Variants in NR5A2 observed in about 807,000 individuals in gnomAD.
NR5A2 encodes CYP7A promoter-binding factor.
In NR5A2, 26 loss-of-function variants were observed where a neutral mutation model predicts 62.7. The observed-to-expected ratio is 0.41, with a 90% confidence interval of 0.30 to 0.58. NR5A2 has a LOEUF of 0.58. Ranked by LOEUF, NR5A2 falls within the 20% of genes least tolerant of loss-of-function variation. The pLI, the probability that NR5A2 is intolerant of heterozygous loss-of-function variation, is 0.22. For missense variants in NR5A2, 541 were observed against 669.1 expected (o/e 0.81, Z 2.11); for synonymous variants, 246 against 241.7 (o/e 1.02, Z -0.16).
At chr1:200,036,506 C>T (rs902988364) in intron 1 of NR5A2, among the ~76,000 whole-genome samples, 4 of 152,192 alleles carry the variant, frequency 2.6e-5, no homozygotes, top group Admixed American at 2.6e-4. Flanking sequence ...AAGCCTGGTG[C>T]CGCCGCCCCT....
chr1:200,133,320 C>T (rs1174261557), intron 7 of NR5A2, among the ~76,000 whole-genome samples: 6 of 151,950 alleles, frequency 3.9e-5, no homozygotes. Flanking sequence ...CTTTGACTCT[C>T]TCCACTTTAC....
At chr1:200,171,969 G>A (rs1654202201) in intron 7 of NR5A2, among the ~76,000 whole-genome samples, 2 of 152,146 alleles carry the variant, frequency 1.3e-5, no homozygotes, top group African/African-American at 2.4e-5. Flanking sequence ...AAAAAGGAAA[G>A]TTTCAAACAA....
Position 200,048,025 on chromosome 1 carries a change from T to C in NR5A2, c.464-147T>C. On this transcript the variant is annotated intron_variant, in intron 4 of 7. Coordinates refer to ENST00000367362, the MANE Select transcript of NR5A2 (RefSeq NM_205860.3). The surrounding 1 kb of genome is among the most constrained non-coding windows in gnomAD (Gnocchi z 4.8). ...TCATAAATAAAGAGGACATGGTTTT[T>C]TGGGAAATCTTTGTGGGCTATTGTA... is the stretch of plus-strand genomic sequence containing the variant. 1.4e-6 allele frequency: 1 copy of C among 695,528 alleles called. No homozygotes were observed. Among genetic ancestry groups the C allele is most frequent in the East Asian group, 2.7e-5 (1 of 36,508 alleles). The allele number at this position is 695,528 out of a possible 1,614,324, so 43.1% of individuals were successfully genotyped here.
intron 5 of NR5A2, among the ~76,000 whole-genome samples, chr1:200,086,613 A>C (rs142458455): frequency 3.3e-4 from 51 of 152,282 alleles, no homozygotes; most frequent in African/African-American, 1.2e-3. Context: ...GACTTCTGGA[A>C]ACTTTTTTAG....
intron 7 of NR5A2, among the ~76,000 whole-genome samples, chr1:200,149,342 CCCA>C (rs1667883428): frequency 6.6e-6 from 1 of 152,188 alleles, no homozygotes; most frequent in Non-Finnish European, 1.5e-5. Flanking sequence ...AAAGGTGTTT[CCCA>C]CAACAGTTGG....
chr1:200,120,967 T>C lies in NR5A2; in HGVS notation c.1378+12T>C. On this transcript the variant is annotated intron_variant, in intron 7 of 7. Transcript: ENST00000367362. ...GCTCTTTAGTTTAGGTAAGAAATCCTTTTCTCATGCTGTGCTCAACCAACG... is the reference window on the plus strand; with the variant it reads ...GCTCTTTAGTTTAGGTAAGAAATCCCTTTCTCATGCTGTGCTCAACCAACG... 3 of 1,613,532 alleles carry C rather than the reference T, an allele frequency of 1.9e-6. No individual in the cohort carries two copies. Among genetic ancestry groups the C allele is most frequent in the Non-Finnish European group, 2.5e-6 (3 of 1,179,632 alleles).
chr1:200,045,853 C>CA (rs1356338726), intron 4 of NR5A2, among the ~76,000 whole-genome samples: 1 of 151,378 alleles, frequency 6.6e-6, no homozygotes, highest in Admixed American at 6.6e-5. Flanking sequence ...GCATTAGACA[C>CA]AAAAAAGGGA....
intron 1 of NR5A2, among the ~76,000 whole-genome samples, chr1:200,038,004 C>A (rs764885868): frequency 1.2e-4 from 18 of 152,190 alleles, no homozygotes; most frequent in Non-Finnish European, 1.9e-4. Flanking sequence ...AAATTCACCC[C>A]CTTGTGGGTG....
intron 5 of NR5A2, among the ~76,000 whole-genome samples, chr1:200,061,089 C>G (rs1663192350): frequency 7.1e-6 from 1 of 140,996 alleles, no homozygotes; most frequent in African/African-American, 2.6e-5. Context: ...CCACTGTGCT[C>G]TAGCCTGGCC....
chr1:200,087,403 C>T (rs1254754946), intron 5 of NR5A2, among the ~76,000 whole-genome samples: 2 of 151,148 alleles, frequency 1.3e-5, no homozygotes, highest in East Asian at 1.9e-4. Context: ...CTTTATTTCC[C>T]TTTTTTTTTG....
rs777976252 is a variant in NR5A2 at position 200,038,816 on chromosome 1, T to C, written c.65-842T>C. ...TACATCCCCCCGCCCCGGGCCAGGG[T>C]GGGGTGGGAGGGGGTGAGGCGGGGT... On this transcript the variant is annotated intron_variant, in intron 1 of 7. Coordinates refer to ENST00000367362, the MANE Select transcript of NR5A2 (RefSeq NM_205860.3). 4 of 1,228,346 alleles carry C rather than the reference T, an allele frequency of 3.3e-6. No individual in the cohort carries two copies. In the East Asian group the frequency reaches 1.6e-4, roughly 51 times the overall value. The allele number at this position is 1,228,346 out of a possible 1,614,324, so 76.1% of individuals were successfully genotyped here.
chr1:200,041,268 A>G (rs965947099), intron 2 of NR5A2, among the ~76,000 whole-genome samples: 12 of 152,176 alleles, frequency 7.9e-5, no homozygotes, highest in Non-Finnish European at 1.6e-4. Context: ...TTTTCTTTGG[A>G]AAGTTCGAGA....
At chr1:200,092,081 AG>A (rs1468405325) in intron 5 of NR5A2, among the ~76,000 whole-genome samples, 1 of 152,204 alleles carries the variant, frequency 6.6e-6, no homozygotes, top group East Asian at 1.9e-4. Flanking sequence ...TCTTGAGCAC[AG>A]TTGTATCTCT....
At chr1:200,063,961 C>G (rs112501706) in intron 5 of NR5A2, among the ~76,000 whole-genome samples, 8,038 of 152,110 alleles carry the variant, frequency 0.053, 251 homozygotes, top group Non-Finnish European at 0.081. Context: ...CCAGCCTGGC[C>G]AACATGGCAA....
In NR5A2 at chr1:200,039,016, C is replaced by G. The variant is rs1054087234; in HGVS notation, c.65-642C>G. On this transcript the variant is annotated intron_variant, in intron 1 of 7. Coordinates refer to ENST00000367362, the MANE Select transcript of NR5A2 (RefSeq NM_205860.3). This position sits in a 1 kb window ranked among gnomAD's most constrained non-coding sequence, Gnocchi z 5.1. Reference sequence around the variant, plus strand: ...CTCCTTCTCCCCCTCGTCTTCCCCCCTGTCCTTCCCAGCACCGTCACCCTC... The same window carrying G: ...CTCCTTCTCCCCCTCGTCTTCCCCCGTGTCCTTCCCAGCACCGTCACCCTC... 6.6e-5 allele frequency among the ~76,000 whole-genome samples: 10 copies of G among 152,040 alleles called. No homozygotes were observed. Among genetic ancestry groups the G allele is most frequent in the East Asian group, 1.9e-4 (1 of 5,152 alleles).
chr1:200,031,728 G>A (rs879673587), intron 1 of NR5A2, among the ~76,000 whole-genome samples: 13 of 151,912 alleles, frequency 8.6e-5, no homozygotes, highest in African/African-American at 2.2e-4. Flanking sequence ...ACAGGTGCAC[G>A]CCACCACGCC....
chr1:200,039,268 C>T lies in NR5A2; in HGVS notation c.65-390C>T, dbSNP rs1176683715. On this transcript the variant is annotated intron_variant, in intron 1 of 7. Transcript: ENST00000367362. This position sits in a 1 kb window ranked among gnomAD's most constrained non-coding sequence, Gnocchi z 5.1. The stretch of plus-strand genomic sequence containing the variant: ...CGGTGGAGGGAGGGGAAGGAGTCGC[C>T]CGAGCCGTCCGGGAGCAGTGGCAGC... Among the ~76,000 whole-genome samples, 4 of 152,100 alleles carry T rather than the reference C, an allele frequency of 2.6e-5. No homozygotes were observed. Among genetic ancestry groups the T allele is most frequent in the African/African-American group, 9.7e-5 (4 of 41,420 alleles).
Position 200,039,523 on chromosome 1 carries a change from G to C in NR5A2, c.65-135G>C. On this transcript the variant is annotated intron_variant, in intron 1 of 7. Transcript: ENST00000367362. This position sits in a 1 kb window ranked among gnomAD's most constrained non-coding sequence, Gnocchi z 5.1. ...GCTCCGGAGCTGCGAGACCGGACAG[G>C]GCTCAGAGGTCCTGCCCGGCAGCCC... 7.9e-7 allele frequency: 1 copy of C among 1,265,954 alleles called. No individual in the cohort carries two copies. Among genetic ancestry groups the C allele is most frequent in the Admixed American group, 2.0e-5 (1 of 49,198 alleles). The allele number at this position is 1,265,954 out of a possible 1,614,324, so 78.4% of individuals were successfully genotyped here.
intron 7 of NR5A2, among the ~76,000 whole-genome samples, chr1:200,144,233 T>TCTCTCTCACA (rs1446217306): frequency 5.0e-5 from 4 of 80,028 alleles, no homozygotes; most frequent in African/African-American, 1.7e-4. Flanking sequence ...TCTCTCTCTC[T>TCTCTCTCACA]CACACACACA....
Sources: gnomAD v4.1 joint callset for allele counts (sites outside exome capture counted in the v4.1 genomes callset) on GRCh38, gnomAD v4.1.1 for gene constraint, Gnocchi (gnomAD v3.1) non-coding constraint, MANE v1.5 for transcripts, NCBI Gene and HGNC (gene_info 2026-07-23, HGNC 2026-07-21) for gene names.